ZNF860: variants seen among roughly 807,000 people sequenced by gnomAD.
ZNF860 encodes zinc finger protein 860.
For missense variants in ZNF860, 641 were observed against 759.2 expected, an observed-to-expected ratio of 0.84 and a Z score of 1.83; for synonymous variants, 206 against 248.9, an observed-to-expected ratio of 0.83 and a Z score of 1.62.
rs990326162 is a variant in ZNF860, at chr3:31,990,918, G to C, written c.1839G>C (p.Gln613His). 3 of 1,574,986 alleles carry C rather than the reference G, an allele frequency of 1.9e-6. No homozygotes were observed. Among genetic ancestry groups the C allele is most frequent in the Non-Finnish European group, 2.6e-6 (3 of 1,159,110 alleles). ...CACATTCACATCGCATTAGACATCAGAGAATCCATACCGGACAGAAATCTT... is the reference window on the plus strand; with the variant it reads ...CACATTCACATCGCATTAGACATCACAGAATCCATACCGGACAGAAATCTT... ...FTSHSHRIRH[Q>H]RIHTGQKSYK... The change falls in exon 2 of 2, where the codon CAG becomes CAC. Residue 613 changes from glutamine (Q) to histidine (H), a missense_variant. Coordinates refer to ENST00000360311, the MANE Select transcript of ZNF860 (RefSeq NM_001137674.3).
chr3:32,001,708 G>T, the ZNF860 span, among the ~76,000 whole-genome samples: 1 of 151,766 alleles, frequency 6.6e-6, no homozygotes, highest in Non-Finnish European at 1.5e-5. Context: ...GCTAGTCATT[G>T]CTTCTCAGCC....
the ZNF860 span, among the ~76,000 whole-genome samples, chr3:32,004,582 G>T: frequency 6.6e-6 from 1 of 152,070 alleles, no homozygotes; most frequent in Non-Finnish European, 1.5e-5. Context: ...CACATTCTTC[G>T]GTTCCTCTGC....
In ZNF860 at chr3:31,989,785, G is replaced by A. The variant is rs1373551702; in HGVS notation, c.706G>A (p.Gly236Ser). 1.2e-6 allele frequency: 2 copies of A among 1,614,140 alleles called. No individual in the cohort carries two copies. Among genetic ancestry groups the A allele is most frequent in the Admixed American group, 1.7e-5 (1 of 60,030 alleles). Residue 236 changes from glycine (G) to serine (S), a missense_variant, in exon 2 of 2, where the codon GGC becomes AGC. By Grantham distance (56) the Gly-to-Ser change is moderately conservative. Coordinates refer to ENST00000360311, the MANE Select transcript of ZNF860 (RefSeq NM_001137674.3). The stretch of plus-strand genomic sequence containing the variant: ...AAAATCTTTCCAATGTAATGAGAGT[G>A]GCAAAGCCTTTAATTGTAGCTCACT... ...REKSFQCNESGKAFNCSSLLR... is the reference protein window; with the variant it reads ...REKSFQCNESSKAFNCSSLLR...
the ZNF860 span, among the ~76,000 whole-genome samples, chr3:32,004,705 A>G: frequency 2.6e-5 from 4 of 152,202 alleles, no homozygotes; most frequent in Admixed American, 1.3e-4. Flanking sequence ...AGAACAACAG[A>G]GAAGAAAACA....
the ZNF860 span, among the ~76,000 whole-genome samples, chr3:32,004,486 C>T: frequency 5.9e-5 from 9 of 152,202 alleles, no homozygotes; most frequent in African/African-American, 2.2e-4. Context: ...GGAGTCAGAA[C>T]ACAGGGACAA....
At chr3:31,993,221 T>C (rs1237958974), downstream of ZNF860, among the ~76,000 whole-genome samples, 1 of 144,314 alleles carries the variant, frequency 6.9e-6, no homozygotes, top group Non-Finnish European at 1.5e-5. Flanking sequence ...TATTTTATTT[T>C]ATTTTTGAGA....
chr3:32,003,384 C>G, the ZNF860 span, among the ~76,000 whole-genome samples: 6 of 152,180 alleles, frequency 3.9e-5, no homozygotes, highest in African/African-American at 1.4e-4. Context: ...CCTAAGGCAC[C>G]TGGTTTGCAA....
intron 1 of ZNF860, among the ~76,000 whole-genome samples, chr3:31,982,505 G>C (rs1393882691): frequency 1.3e-5 from 2 of 152,034 alleles, no homozygotes; most frequent in Non-Finnish European, 1.5e-5. Flanking sequence ...ACAGTTCCCC[G>C]AGCCCAACCC....
Position 31,989,354 on chromosome 3 carries a change from A to G in ZNF860, c.275A>G (p.His92Arg). The change falls in exon 2 of 2, where the codon CAT (histidine) becomes CGT (arginine). Residue 92 changes from histidine (H) to arginine (R), a missense_variant. By Grantham distance (29) the His-to-Arg change is conservative (BLOSUM62 0). Transcript: ENST00000360311. ...TEVDTGTLER[H>R]ESHHIGDFCF... Reference sequence around the variant, plus strand: ...GTGGACACAGGGACATTAGAAAGACATGAAAGTCATCACATTGGAGATTTT... The same window carrying G: ...GTGGACACAGGGACATTAGAAAGACGTGAAAGTCATCACATTGGAGATTTT... 1 of 1,614,242 alleles carries G rather than the reference A, an allele frequency of 6.2e-7. No individual in the cohort carries two copies. Among genetic ancestry groups the G allele is most frequent in the South Asian group, 1.1e-5 (1 of 91,084 alleles).
At chr3:31,993,465 C>T (rs1372461769), downstream of ZNF860, among the ~76,000 whole-genome samples, 6 of 152,102 alleles carry the variant, frequency 3.9e-5, no homozygotes, top group Non-Finnish European at 8.8e-5. Flanking sequence ...GCCTCGGCCT[C>T]CCAAAGTGCT....
the ZNF860 span, among the ~76,000 whole-genome samples, chr3:32,003,546 T>A: frequency 6.6e-6 from 1 of 152,140 alleles, no homozygotes; most frequent in Non-Finnish European, 1.5e-5. Flanking sequence ...AAAACCACCA[T>A]GAAGAAACAG....
chr3:31,986,781 T>A (rs1033462090), intron 1 of ZNF860, among the ~76,000 whole-genome samples: 2 of 152,070 alleles, frequency 1.3e-5, no homozygotes, highest in African/African-American at 4.8e-5. Flanking sequence ...GAGGCTGAGA[T>A]GGGAGGATTG....
In ZNF860 at chr3:31,989,511, G is replaced by T. The variant is rs1698993336; in HGVS notation, c.432G>T (p.Arg144Ser). The T allele has an allele frequency of 1.2e-6, 2 of 1,614,138 alleles. No homozygotes were observed. The highest frequency in any genetic ancestry group is 2.2e-5 in the East Asian group (1 of 44,886). Residue 144 changes from arginine (R) to serine (S), a missense_variant, in exon 2 of 2, where the codon AGG (arginine) becomes AGT (serine). Transcript: ENST00000360311. Reference protein sequence around the residue: ...LTGSTDRYDRRHPGNKPIKDQ... With the variant: ...LTGSTDRYDRSHPGNKPIKDQ... ...GTAGCACCGACAGATATGATCGAAG[G>T]CATCCTGGAAACAAGCCTATCAAAG...
the ZNF860 span, among the ~76,000 whole-genome samples, chr3:32,000,223 A>T: frequency 3.9e-5 from 6 of 152,332 alleles, no homozygotes; most frequent in Admixed American, 1.3e-4. Context: ...ATTTCACTGT[A>T]GCATGGTCAT....
chr3:31,993,768 G>T (rs1037809375), downstream of ZNF860, among the ~76,000 whole-genome samples: 5 of 152,108 alleles, frequency 3.3e-5, no homozygotes, highest in African/African-American at 1.2e-4. Context: ...CACATTGCTG[G>T]TGAGAGTGCA....
chr3:32,003,949 G>A, the ZNF860 span, among the ~76,000 whole-genome samples: 1 of 152,250 alleles, frequency 6.6e-6, no homozygotes, highest in African/African-American at 2.4e-5. Flanking sequence ...GTTTTTCTCT[G>A]CAAAACAACA....
intron 1 of ZNF860, 65 bp from the exon 2 acceptor site, chr3:31,988,595 G>A (rs554614314): frequency 5.9e-6 from 1 of 169,296 alleles, no homozygotes; most frequent in South Asian, 1.5e-4. Flanking sequence ...AAACAGGGGA[G>A]TGTTCACTCT....
At chr3:32,003,956 A>G in the ZNF860 span, among the ~76,000 whole-genome samples, 1 of 152,186 alleles carries the variant, frequency 6.6e-6, no homozygotes, top group South Asian at 2.1e-4. Context: ...TCTGCAAAAC[A>G]ACAGCTGGAT....
At chr3:32,000,859 C>A in the ZNF860 span, among the ~76,000 whole-genome samples, 17 of 152,298 alleles carry the variant, frequency 1.1e-4, no homozygotes, top group East Asian at 2.1e-3. Context: ...ATGGCCACAA[C>A]TGAATACTCT....
Sources: allele counts gnomAD v4.1 joint callset (sites outside exome capture counted in the v4.1 genomes callset), GRCh38; gene constraint gnomAD v4.1.1; transcripts MANE v1.5; gene names NCBI Gene and HGNC (gene_info 2026-07-23, HGNC 2026-07-21).